Variants in NCAN observed in about 807,000 individuals in gnomAD.
NCAN encodes the protein neurocan core protein.
A neutral mutation model predicts 121.8 loss-of-function variants in NCAN; 47 were observed. That is an observed-to-expected ratio of 0.39 (90% CI 0.31 to 0.49). The LOEUF is 0.49. Ranked by LOEUF, NCAN falls within the 20% of genes least tolerant of loss-of-function variation. The probability of loss-of-function intolerance (pLI) is 0.92; values close to 1 mark genes in which losing one functional copy is unlikely to be tolerated. For synonymous variants in NCAN, 633 were observed against 702.0 expected, an observed-to-expected ratio of 0.90 and a Z score of 1.55; for missense variants, 1,517 against 1,773.4, an observed-to-expected ratio of 0.86 and a Z score of 2.60.
At chr19:19,237,062 T>A (rs2060883483) in intron 10 of NCAN, among the ~76,000 whole-genome samples, 1 of 151,646 alleles carries the variant, frequency 6.6e-6, no homozygotes, top group African/African-American at 2.4e-5. Context: ...TATAGGCACC[T>A]ACCACCACAC....
In NCAN at chr19:19,251,647, G is replaced by A. The variant is rs1294912805; in HGVS notation, c.*1736G>A. 6.6e-6 allele frequency: 1 copy of A among 152,142 alleles called. No individual in the cohort carries two copies. Among genetic ancestry groups the A allele is most frequent in the Admixed American group, 6.6e-5 (1 of 15,258 alleles). The allele number at this position is 152,142 out of a possible 1,614,324, so 9.4% of individuals were successfully genotyped here. On this transcript the variant is annotated 3_prime_UTR_variant, in exon 15 of 15. Coordinates refer to ENST00000252575, the MANE Select transcript of NCAN (RefSeq NM_004386.3). Reference sequence around the variant, plus strand: ...TGACCCAAATCCTGCTCTGGACTCTGGAGAGGAGATTGAAATATAATTGCA... The same window carrying A: ...TGACCCAAATCCTGCTCTGGACTCTAGAGAGGAGATTGAAATATAATTGCA...
chr19:19,222,306 G>C lies in NCAN; in HGVS notation c.476-1715G>C, dbSNP rs145645786. On this transcript the variant is annotated intron_variant, in intron 3 of 14. Coordinates refer to ENST00000252575, the MANE Select transcript of NCAN (RefSeq NM_004386.3). The stretch of plus-strand genomic sequence containing the variant: ...TCTTTTTGTTGTTGTTTGAGACAGA[G>C]TCTCACTCTGTCACCCAGGCTGGAG... Among the ~76,000 whole-genome samples, 260 of 152,202 alleles carry C rather than the reference G, an allele frequency of 1.7e-3. 2 individuals are homozygous for C. The Middle Eastern group carries it at 0.027, about 16-fold the overall frequency.
At chr19:19,218,435 C>A (rs1239089160) in intron 2 of NCAN, among the ~76,000 whole-genome samples, 1 of 151,946 alleles carries the variant, frequency 6.6e-6, no homozygotes, top group African/African-American at 2.4e-5. Flanking sequence ...TGCATTCTAC[C>A]CTGGGCGATA....
chr19:19,217,175 C>A, intron 2 of NCAN, 149 bp downstream of exon 2: 2 of 493,534 alleles, frequency 4.1e-6, no homozygotes, highest in Non-Finnish European at 6.5e-6. Flanking sequence ...TTTGAACAGT[C>A]AAAAGCGAAC....
intron 1 of NCAN, among the ~76,000 whole-genome samples, chr19:19,214,589 A>G (rs2060789246): frequency 6.6e-6 from 1 of 152,102 alleles, no homozygotes; most frequent in Non-Finnish European, 1.5e-5. Context: ...AGGTCATTTC[A>G]TCCTCACAGT....
intron 11 of NCAN, among the ~76,000 whole-genome samples, chr19:19,239,097 C>T (rs1259766407): frequency 3.9e-5 from 6 of 152,038 alleles, no homozygotes; most frequent in Non-Finnish European, 8.8e-5. Context: ...CGCCTTCTCA[C>T]CTATCTGCCC....
chr19:19,231,032 C>T (rs1259304779), intron 8 of NCAN, among the ~76,000 whole-genome samples: 5 of 151,728 alleles, frequency 3.3e-5, no homozygotes, highest in African/African-American at 9.7e-5. Context: ...AGACATGAGC[C>T]GTAGCGCCGG....
In NCAN at chr19:19,233,911, T is replaced by A; in HGVS notation, c.3136+6T>A. On this transcript the variant is annotated splice_donor_region_variant and intron_variant, in intron 9 of 14. Transcript: ENST00000252575. Reference sequence around the variant, plus strand: ...CGGGGAGAACTGTGAGATTGGTGAGTACCCCAGACTCAGGATCTGAATCTG... The same window carrying A: ...CGGGGAGAACTGTGAGATTGGTGAGAACCCCAGACTCAGGATCTGAATCTG... 1 of 1,550,216 alleles carries A rather than the reference T, an allele frequency of 6.5e-7. No individual in the cohort carries two copies. Among genetic ancestry groups the A allele is most frequent in the Non-Finnish European group, 8.9e-7 (1 of 1,121,618 alleles).
rs1227985303 is a variant in NCAN at position 19,250,102 on chromosome 19, A to C, written c.*191A>C. The C allele has an allele frequency of 1.4e-6, 1 of 727,502 alleles. No homozygotes were observed. Among genetic ancestry groups the C allele is most frequent in the African/African-American group, 1.7e-5 (1 of 57,688 alleles). The allele number at this position is 727,502 out of a possible 1,614,324, so 45.1% of individuals were successfully genotyped here. ...TTTACATACACAAGATCCTCTTGGC[A>C]GGTGGAGCCAGGTGTCTGAAAAGTT... On this transcript the variant is annotated 3_prime_UTR_variant, in exon 15 of 15. Transcript: ENST00000252575.
intron 12 of NCAN, among the ~76,000 whole-genome samples, chr19:19,243,452 G>C (rs1268045528): frequency 1.4e-5 from 2 of 147,550 alleles, no homozygotes; most frequent in African/African-American, 5.1e-5. Flanking sequence ...GGAGGCGGAG[G>C]TTGCAGTGAG....
chr19:19,228,471 G>C lies in NCAN; in HGVS notation c.2851G>C (p.Val951Leu). The C allele has an allele frequency of 4.3e-6, 7 of 1,613,592 alleles. No individual in the cohort carries two copies. The highest frequency in any genetic ancestry group is 5.1e-6 in the Non-Finnish European group (6 of 1,180,030). ...SASVSSGEPTVPWDPSSTLLP... is the reference protein window; with the variant it reads ...SASVSSGEPTLPWDPSSTLLP... ...CTCAGTTTCCTCAGGGGAGCCTACG[G>C]TACCGTGGGACCCCTCCAGCACCCT... The change falls in exon 8 of 15, where the codon GTA (valine) becomes CTA (leucine). Residue 951 changes from valine (V) to leucine (L), a missense_variant. Val to Leu is a conservative substitution (Grantham distance 32). Coordinates refer to ENST00000252575, the MANE Select transcript of NCAN (RefSeq NM_004386.3).
rs1259848797 is a variant in NCAN at position 19,226,768 on chromosome 19, C to A, written c.1355C>A (p.Ala452Asp). 6.2e-7 allele frequency: 1 copy of A among 1,613,086 alleles called. No homozygotes were observed. The highest frequency in any genetic ancestry group is 1.3e-5 in the African/African-American group (1 of 74,956). The change falls in exon 7 of 15, where the codon GCC (alanine) becomes GAC (aspartate). Residue 452 changes from alanine to aspartate, a missense_variant. Coordinates refer to ENST00000252575, the MANE Select transcript of NCAN (RefSeq NM_004386.3). Reference sequence around the variant, plus strand: ...GGGGAAGTGTGGCTAAGCACGGTGGCCCCCAGCCCTAGCGACATGGGGGCA... The same window carrying A: ...GGGGAAGTGTGGCTAAGCACGGTGGACCCCAGCCCTAGCGACATGGGGGCA... Reference protein sequence around the residue: ...PTGEVWLSTVAPSPSDMGAGT... With the variant: ...PTGEVWLSTVDPSPSDMGAGT...
intron 3 of NCAN, among the ~76,000 whole-genome samples, chr19:19,220,969 A>C (rs1278999819): frequency 6.6e-6 from 1 of 152,154 alleles, no homozygotes; most frequent in African/African-American, 2.4e-5. Flanking sequence ...CCAGTGGCTC[A>C]TGTCTGTAAT....
intron 1 of NCAN, among the ~76,000 whole-genome samples, chr19:19,213,369 C>T (rs1303726247): frequency 1.3e-5 from 2 of 151,904 alleles, no homozygotes; most frequent in African/African-American, 4.8e-5. Context: ...AGGGCCACAT[C>T]ACCATGTGGC....
At chr19:19,247,589 C>T (rs59049499) in intron 13 of NCAN, among the ~76,000 whole-genome samples, 4,188 of 152,152 alleles carry the variant, frequency 0.028, 203 homozygotes, top group African/African-American at 0.096. Context: ...CAGGGTCTTG[C>T]TGTGTTGCCC....
chr19:19,249,362 C>T (rs2060938047), intron 14 of NCAN, among the ~76,000 whole-genome samples: 2 of 150,992 alleles, frequency 1.3e-5, no homozygotes, highest in African/African-American at 2.4e-5. Context: ...TGAGCCACCA[C>T]ATCCGGCCTG....
intron 14 of NCAN, 110 bp downstream of exon 14, chr19:19,248,992 T>C (rs2060936416): frequency 8.3e-7 from 1 of 1,202,894 alleles, no homozygotes; most frequent in East Asian, 2.4e-5. Context: ...TGCCTGATAA[T>C]ACAGCCTTGC....
intron 5 of NCAN, 124 bp from the exon 6 acceptor site, chr19:19,224,853 T>A (rs1353782532): frequency 2.4e-6 from 2 of 843,340 alleles, no homozygotes; most frequent in Admixed American, 3.7e-5. Flanking sequence ...GCTGCGGTTG[T>A]CACCGCCTCT....
intron 3 of NCAN, 91 bp from the exon 4 acceptor site, chr19:19,223,928 CAG>C (rs2060825590): frequency 1.5e-6 from 2 of 1,302,880 alleles, no homozygotes; most frequent in Admixed American, 5.1e-5. Context: ...TATTATCAGA[CAG>C]GGGTGGGGAG....
Sources: allele counts gnomAD v4.1 joint callset (sites outside exome capture counted in the v4.1 genomes callset), GRCh38; gene constraint gnomAD v4.1.1; transcripts MANE v1.5; gene names NCBI Gene and HGNC (gene_info 2026-07-23, HGNC 2026-07-21).